CALCRL: variants seen among roughly 807,000 people sequenced by gnomAD.
The protein encoded by CALCRL is calcitonin receptor like receptor.
Under a neutral mutation model 60.4 loss-of-function variants are expected in CALCRL, and 27 were observed. The ratio of observed to expected loss-of-function variants is 0.45; its 90% CI spans 0.33 to 0.62. The LOEUF (loss-of-function observed/expected upper bound fraction) is 0.62, where lower values mean the gene tolerates loss of function less well. Among genes scored for constraint, CALCRL ranks in the 20% least tolerant of loss-of-function variants. The pLI, the probability that CALCRL is intolerant of heterozygous loss-of-function variation, is 0.03. For synonymous variants in CALCRL, 190 were observed against 182.6 expected, an observed-to-expected ratio of 1.04 and a Z score of -0.33; for missense variants, 424 against 540.7, an observed-to-expected ratio of 0.78 and a Z score of 2.14.
chr2:187,404,317 T>C (rs776686482), intron 1 of CALCRL, among the ~76,000 whole-genome samples: 1 of 151,978 alleles, frequency 6.6e-6, no homozygotes, highest in Non-Finnish European at 1.5e-5. Context: ...AGCAATAGTG[T>C]CTTAAAAAGT....
At chr2:187,438,330 C>A (rs183660515) in intron 1 of CALCRL, among the ~76,000 whole-genome samples, 14 of 152,152 alleles carry the variant, frequency 9.2e-5, no homozygotes, top group Admixed American at 4.6e-4. Context: ...CATAACAATA[C>A]AATGAGGTAA....
intron 1 of CALCRL, among the ~76,000 whole-genome samples, chr2:187,412,981 T>C (rs1425984935): frequency 6.6e-6 from 1 of 152,218 alleles, no homozygotes; most frequent in Non-Finnish European, 1.5e-5. Context: ...GGATCATAAA[T>C]ATGCTTTGTT....
At chr2:187,349,963 T>C (rs1345122539) in intron 14 of CALCRL, among the ~76,000 whole-genome samples, 1 of 151,708 alleles carries the variant, frequency 6.6e-6, no homozygotes, top group African/African-American at 2.4e-5. Flanking sequence ...AACTTTATCT[T>C]TCTTAGCTTG....
In CALCRL at chr2:187,360,860, T is replaced by C. The variant is rs915418097; in HGVS notation, c.628-109A>G. ...GGAACATTCTCCCCTACACACAAAA[T>C]CCTATACATTAATGATTAGGATTTG... On this transcript the variant is annotated intron_variant, in intron 9 of 14. Coordinates refer to ENST00000392370, the MANE Select transcript of CALCRL (RefSeq NM_005795.6). The C allele has an allele frequency of 1.4e-5, 13 of 933,998 alleles. No homozygotes were observed. The African/African-American group carries it at 2.2e-4, about 16-fold the overall frequency. 57.9% of individuals were successfully genotyped at this position (933,998 alleles called of 1,614,324 possible). A position where few individuals can be genotyped will look rare whatever the true frequency, so the allele number is the denominator to read the frequency against.
intron 12 of CALCRL, among the ~76,000 whole-genome samples, chr2:187,355,224 CTT>C (rs1686718452): frequency 6.6e-6 from 1 of 151,964 alleles, no homozygotes; most frequent in Admixed American, 6.6e-5. Context: ...AAACAGAAAA[CTT>C]GCTCTGAGAT....
At chr2:187,374,849 T>G (rs1183039483) in intron 8 of CALCRL, among the ~76,000 whole-genome samples, 1 of 152,048 alleles carries the variant, frequency 6.6e-6, no homozygotes. Flanking sequence ...CATGACCCAC[T>G]GTAAACACAC....
rs1406423160 is a variant in CALCRL at position 187,363,379 on chromosome 2, AT to A, written c.623del (p.Asn208IlefsTer15). 1 of 1,608,498 alleles carries A rather than the reference AT, an allele frequency of 6.2e-7. No individual in the cohort carries two copies. The highest frequency in any genetic ancestry group is 8.5e-7 in the Non-Finnish European group (1 of 1,177,694). The part of the protein sequence containing the change: ...VANNQALVAT[N>X]PVSCKVSQFI... The stretch of plus-strand genomic sequence containing the variant: ...GGCACAATCTTGGTTTACTTACAGG[AT>A]TTGTGGCTACTAAGGCCTGGTTGTT... On this transcript the variant is annotated frameshift_variant, in exon 9 of 15. Transcript: ENST00000392370. LOFTEE classifies it high-confidence loss of function.
chr2:187,358,103 C>G (rs1686877897), intron 12 of CALCRL, among the ~76,000 whole-genome samples: 1 of 152,084 alleles, frequency 6.6e-6, no homozygotes, highest in African/African-American at 2.4e-5. Flanking sequence ...GTAATCCCAG[C>G]AGTTGTGGAG....
chr2:187,441,083 CA>C lies in CALCRL; in HGVS notation c.-293+6955del, dbSNP rs943149007. ...TTGGTATTTGCAATGGAATTAGACA[CA>C]AAAAAATATTTTTTGTCAAAGTAAG... On this transcript the variant is annotated intron_variant, in intron 1 of 14. Transcript: ENST00000392370. 2.5e-4 allele frequency among the ~76,000 whole-genome samples: 38 copies of C among 151,448 alleles called. 1 individual carries two copies. The highest frequency in any genetic ancestry group is 7.5e-4 in the African/African-American group (31 of 41,300).
chr2:187,388,897 AG>A (rs1688315635), intron 1 of CALCRL, among the ~76,000 whole-genome samples: 1 of 152,112 alleles, frequency 6.6e-6, no homozygotes, highest in South Asian at 2.1e-4. Context: ...TGTTTAACAT[AG>A]TACCTGACAC....
At chr2:187,381,728 A>G (rs1687993988) in intron 5 of CALCRL, among the ~76,000 whole-genome samples, 1 of 152,190 alleles carries the variant, frequency 6.6e-6, no homozygotes, top group South Asian at 2.1e-4. Flanking sequence ...TGCTGAGATT[A>G]CAGGTGTGAG....
At chr2:187,346,634 T>C (rs1380938961) in intron 14 of CALCRL, among the ~76,000 whole-genome samples, 1 of 151,868 alleles carries the variant, frequency 6.6e-6, no homozygotes, top group Non-Finnish European at 1.5e-5. Context: ...ATATTTTTCA[T>C]GGCATGTTTT....
At chr2:187,397,411 A>C (rs903157312) in intron 1 of CALCRL, among the ~76,000 whole-genome samples, 5 of 151,660 alleles carry the variant, frequency 3.3e-5, no homozygotes, top group Admixed American at 6.6e-5. Context: ...ACTAATACTG[A>C]GCCTATATAT....
chr2:187,421,946 A>G (rs1157186459), intron 1 of CALCRL, among the ~76,000 whole-genome samples: 1 of 152,202 alleles, frequency 6.6e-6, no homozygotes, highest in Non-Finnish European at 1.5e-5. Context: ...AAGCATACAG[A>G]TGCTGGTGGG....
chr2:187,354,765 C>A (rs1404706780), intron 12 of CALCRL, among the ~76,000 whole-genome samples: 1 of 151,998 alleles, frequency 6.6e-6, no homozygotes, highest in Non-Finnish European at 1.5e-5. Flanking sequence ...TGTATTTCAT[C>A]CTTACTCTTC....
At chr2:187,419,668 C>G (rs971812879) in intron 1 of CALCRL, among the ~76,000 whole-genome samples, 2 of 151,834 alleles carry the variant, frequency 1.3e-5, no homozygotes, top group East Asian at 3.9e-4. Flanking sequence ...ATTGAGTAGG[C>G]CATTTCATTT....
chr2:187,431,021 G>A (rs916281481), intron 1 of CALCRL, among the ~76,000 whole-genome samples: 1 of 151,972 alleles, frequency 6.6e-6, no homozygotes, highest in African/African-American at 2.4e-5. Flanking sequence ...AACACTCCCG[G>A]TAGTCTGGCC....
At chr2:187,391,449 A>C (rs767336182) in intron 1 of CALCRL, among the ~76,000 whole-genome samples, 31 of 152,156 alleles carry the variant, frequency 2.0e-4, no homozygotes, top group Non-Finnish European at 4.4e-5. Flanking sequence ...TAAGTGATTA[A>C]GCCAGCCAGA....
rs1304971404 is a variant in CALCRL at position 187,383,164 on chromosome 2, C to T, written c.184+9G>A. On this transcript the variant is annotated intron_variant, in intron 5 of 14. Transcript: ENST00000392370. ...TCAAATGCATTTACAACTAAGTAGC[C>T]ATGCTTACCTTCTGCTTGTTGAATG... is the stretch of plus-strand genomic sequence containing the variant. 1.9e-6 allele frequency: 3 copies of T among 1,606,292 alleles called. No homozygotes were observed. Among genetic ancestry groups the T allele is most frequent in the Admixed American group, 3.4e-5 (2 of 58,914 alleles).
Sources: gnomAD v4.1 joint callset for allele counts (sites outside exome capture counted in the v4.1 genomes callset) on GRCh38, gnomAD v4.1.1 for gene constraint, MANE v1.5 for transcripts, NCBI Gene and HGNC (gene_info 2026-07-23, HGNC 2026-07-21) for gene names.